Variants in ZC3H12B observed in about 807,000 individuals in gnomAD.
The protein encoded by ZC3H12B is probable ribonuclease ZC3H12B.
Under a neutral mutation model 43.9 loss-of-function variants are expected in ZC3H12B, and 7 were observed. The observed-to-expected ratio is 0.16, with a 90% CI of 0.09 to 0.30. The LOEUF (loss-of-function observed/expected upper bound fraction) is 0.30. ZC3H12B is among the 10% of genes least tolerant of loss of function. The probability of loss-of-function intolerance (pLI) is 1.00; values close to 1 mark genes in which losing one functional copy is unlikely to be tolerated. For synonymous variants in ZC3H12B, 222 were observed against 241.7 expected (o/e 0.92, Z 0.76); for missense variants, 475 against 670.2 (o/e 0.71, Z 3.22).
the ZC3H12B span, among the ~76,000 whole-genome samples, chrX:65,095,797 G>A: frequency 9.0e-6 from 1 of 111,236 alleles, no homozygotes; most frequent in African/African-American, 3.3e-5. Context: ...TTTCACCTAA[G>A]GGGAGGATGA....
the ZC3H12B span, among the ~76,000 whole-genome samples, chrX:65,148,387 G>A: frequency 0.019 from 2,149 of 111,965 alleles, 50 homozygotes; most frequent in African/African-American, 0.065. Context: ...TGTGGGATCA[G>A]CCTAGTACTG....
At chrX:65,354,168 TGAG>T in the ZC3H12B span, among the ~76,000 whole-genome samples, 2 of 112,204 alleles carry the variant, frequency 1.8e-5, no homozygotes, top group Non-Finnish European at 3.8e-5. Context: ...TGTATCCTGA[TGAG>T]GAGACACCTC....
chrX:65,186,544 T>A, the ZC3H12B span: 7 of 108,875 alleles, frequency 6.4e-5, no homozygotes, highest in East Asian at 2.9e-4. Context: ...TTTTTTTTTT[T>A]AATTTCAATA....
chrX:65,408,579 C>CA (rs2066865771), intron 3 of ZC3H12B: 2 of 1,168,051 alleles, frequency 1.7e-6, no homozygotes, highest in Non-Finnish European at 2.3e-6. Flanking sequence ...GGTCTTCTTG[C>CA]ACTGTCTAGT....
intron 3 of ZC3H12B, among the ~76,000 whole-genome samples, chrX:65,437,980 T>A (rs1470542176): frequency 1.8e-5 from 2 of 112,485 alleles, no homozygotes; most frequent in Non-Finnish European, 3.8e-5. Context: ...TCCCAGTACC[T>A]CTTATTGAAG....
chrX:65,440,482 T>C (rs1214523521), intron 3 of ZC3H12B, among the ~76,000 whole-genome samples: 1 of 112,164 alleles, frequency 8.9e-6, no homozygotes, highest in Non-Finnish European at 1.9e-5. Flanking sequence ...AGCTGAAGTA[T>C]AGGATGTCTG....
chrX:65,447,244 A>C (rs749972020), intron 3 of ZC3H12B, among the ~76,000 whole-genome samples: 214 of 111,742 alleles, frequency 1.9e-3, no homozygotes, highest in African/African-American at 6.6e-3. Flanking sequence ...ATCTGACTAG[A>C]TAATGTCAAA....
chrX:65,464,837 T>G (rs747038122), intron 3 of ZC3H12B, among the ~76,000 whole-genome samples: 1 of 111,436 alleles, frequency 9.0e-6, no homozygotes, highest in East Asian at 2.8e-4. Context: ...TCTCAAAGTA[T>G]TTTCTAATCT....
At chrX:65,379,073 C>T (rs1026665693) in intron 2 of ZC3H12B, among the ~76,000 whole-genome samples, 2 of 112,176 alleles carry the variant, frequency 1.8e-5, no homozygotes, top group Non-Finnish European at 3.8e-5. Flanking sequence ...GTAAACAAAG[C>T]AGCCGGGAAG....
At chrX:65,183,250 T>A in the ZC3H12B span, among the ~76,000 whole-genome samples, 1 of 111,772 alleles carries the variant, frequency 8.9e-6, no homozygotes, top group Non-Finnish European at 1.9e-5. Flanking sequence ...AAGAATGAGA[T>A]CATGTATTTT....
chrX:65,231,116 C>A, the ZC3H12B span, among the ~76,000 whole-genome samples: 17 of 110,861 alleles, frequency 1.5e-4, no homozygotes, highest in African/African-American at 5.6e-4. Flanking sequence ...AACTGGGCCT[C>A]CGGAGGTGCC....
At chrX:65,160,075 G>C in the ZC3H12B span, among the ~76,000 whole-genome samples, 8 of 111,965 alleles carry the variant, frequency 7.1e-5, no homozygotes, top group Non-Finnish European at 1.3e-4. Context: ...TTATTGATTT[G>C]TGTATATTGA....
chrX:65,244,625 G>A, the ZC3H12B span, among the ~76,000 whole-genome samples: 2 of 103,184 alleles, frequency 1.9e-5, no homozygotes, highest in Non-Finnish European at 3.9e-5. Flanking sequence ...GTGGTCTCGA[G>A]AGGCTGAAGC....
At chrX:65,290,175 T>G in the ZC3H12B span, among the ~76,000 whole-genome samples, 1 of 110,524 alleles carries the variant, frequency 9.0e-6, no homozygotes, top group Non-Finnish European at 1.9e-5. Flanking sequence ...GCAAAGAACA[T>G]GAATAGATAT....
chrX:65,324,087 G>A, the ZC3H12B span, among the ~76,000 whole-genome samples: 1 of 112,068 alleles, frequency 8.9e-6, no homozygotes, highest in African/African-American at 3.2e-5. Flanking sequence ...GTAGATTCTG[G>A]ATATTAGACC....
intron 4 of ZC3H12B, among the ~76,000 whole-genome samples, chrX:65,501,539 G>A (rs1286608166): frequency 9.0e-6 from 1 of 111,484 alleles, no homozygotes; most frequent in Non-Finnish European, 1.9e-5. Context: ...ACAGACAGGA[G>A]TCACCACATC....
upstream of ZC3H12B, among the ~76,000 whole-genome samples, chrX:65,483,797 C>G (rs745306355): frequency 8.9e-6 from 1 of 111,963 alleles, no homozygotes; most frequent in South Asian, 3.6e-4. Context: ...CTCTTAGAAG[C>G]TAATTATATG....
intron 3 of ZC3H12B, among the ~76,000 whole-genome samples, chrX:65,454,344 G>A (rs2067571363): frequency 8.9e-6 from 1 of 112,564 alleles, no homozygotes; most frequent in South Asian, 3.7e-4. Context: ...CCCACGCCTG[G>A]CTCGGAGGGT....
At chrX:65,480,105 T>G (rs192252049) in intron 3 of ZC3H12B, among the ~76,000 whole-genome samples, 69 of 112,825 alleles carry the variant, frequency 6.1e-4, no homozygotes, top group Middle Eastern at 4.6e-3. Flanking sequence ...ATTAACAATT[T>G]GCCAGTGTTG....
Sources: allele counts gnomAD v4.1 joint callset (sites outside exome capture counted in the v4.1 genomes callset), GRCh38; gene constraint gnomAD v4.1.1; transcripts MANE v1.5; gene names NCBI Gene and HGNC (gene_info 2026-07-23, HGNC 2026-07-21).